SDK1: variants seen among roughly 807,000 people sequenced by gnomAD.
The protein encoded by SDK1 is sidekick cell adhesion molecule 1.
A neutral mutation model predicts 245.5 loss-of-function variants in SDK1; 157 were observed. The ratio of observed to expected loss-of-function variants is 0.64; its 90% CI spans 0.56 to 0.73. SDK1 has a LOEUF of 0.73. Among genes scored for constraint, SDK1 ranks in the 30% least tolerant of loss-of-function variants. The pLI is 0.00. For synonymous variants in SDK1, 1,647 were observed against 1,278.5 expected (o/e 1.29, Z -6.15); for missense variants, 3,583 against 3,002.3 (o/e 1.19, Z -4.52).
rs199907657 is a variant in SDK1, at chr7:4,210,172, G to C, written c.5539+10G>C. 1 of 1,538,712 alleles carries C rather than the reference G, an allele frequency of 6.5e-7. No homozygotes were observed. Among genetic ancestry groups the C allele is most frequent in the South Asian group, 1.3e-5 (1 of 79,122 alleles). ...TTGGCCCCTGTACAAGGTAAGACCC[G>C]GGGTTGGGGAGATGGGAGCGCGGGC... On this transcript the variant is annotated intron_variant, in intron 38 of 44. Transcript: ENST00000404826.
chr7:3,988,804 C>G (rs1249573431), intron 14 of SDK1, among the ~76,000 whole-genome samples: 1 of 152,204 alleles, frequency 6.6e-6, no homozygotes, highest in Non-Finnish European at 1.5e-5. Context: ...TGGAGTCTTG[C>G]TCTGTCGCCC....
chr7:3,502,568 A>G (rs911835347), intron 1 of SDK1, among the ~76,000 whole-genome samples: 3 of 152,200 alleles, frequency 2.0e-5, no homozygotes, highest in Non-Finnish European at 2.9e-5. Context: ...TATTTTTAAT[A>G]GCACCCCTAA....
Position 4,193,713 on chromosome 7 carries a change from C to T in SDK1, c.5099-12166C>T, listed in dbSNP as rs143964226. On this transcript the variant is annotated intron_variant, in intron 35 of 44. Transcript: ENST00000404826. Reference sequence around the variant, plus strand: ...CTGTTTTTCCACAATTTCAGCTCTTCCTCTACAGGAGTGAAGACTCTCACT... The same window carrying T: ...CTGTTTTTCCACAATTTCAGCTCTTTCTCTACAGGAGTGAAGACTCTCACT... 9.7e-3 allele frequency among the ~76,000 whole-genome samples: 1,472 copies of T among 152,178 alleles called. 25 individuals are homozygous for T. The highest frequency in any genetic ancestry group is 0.034 in the African/African-American group (1,392 of 41,512).
Position 3,391,913 on chromosome 7 carries a change from A to G in SDK1, c.298+90029A>G, listed in dbSNP as rs146568785. Among the ~76,000 whole-genome samples the G allele has an allele frequency of 3.0e-3, 461 of 151,562 alleles. 5 individuals are homozygous for G. The highest frequency in any genetic ancestry group is 3.8e-3 in the Non-Finnish European group (255 of 67,936). On this transcript the variant is annotated intron_variant, in intron 1 of 44. Transcript: ENST00000404826. ...CAAAGTGATGGGATCACAGGTGTCA[A>G]CCGCCATGTTTGGCCAACAACTGAA...
At chr7:3,312,582 A>T (rs756493759) in intron 1 of SDK1, among the ~76,000 whole-genome samples, 1 of 152,156 alleles carries the variant, frequency 6.6e-6, no homozygotes, top group South Asian at 2.1e-4. Context: ...TTTTTTTAAA[A>T]AAAATAACCT....
intron 5 of SDK1, among the ~76,000 whole-genome samples, chr7:3,867,916 A>G (rs1780861218): frequency 6.6e-6 from 1 of 152,204 alleles, no homozygotes; most frequent in Admixed American, 6.5e-5. Flanking sequence ...GAAGAAATAA[A>G]TATCATTTCT....
chr7:4,011,046 A>T lies in SDK1; in HGVS notation c.2212A>T (p.Thr738Ser). Residue 738 changes from threonine (T) to serine (S), a missense_variant, in exon 15 of 45, where the codon ACC becomes TCC. By Grantham distance (58) the Thr-to-Ser change is moderately conservative. Transcript: ENST00000404826. The part of the protein sequence containing the change: ...VTVSGLTPAR[T>S]YQFRVCAVNE... ...CGTGAGTGGCCTGACTCCGGCTCGTACCTATCAATTCCGGGTGTGCGCGGT... is the reference window on the plus strand; with the variant it reads ...CGTGAGTGGCCTGACTCCGGCTCGTTCCTATCAATTCCGGGTGTGCGCGGT... 6.2e-7 allele frequency: 1 copy of T among 1,614,202 alleles called. No homozygotes were observed. The highest frequency in any genetic ancestry group is 1.1e-5 in the South Asian group (1 of 91,074).
chr7:3,552,750 A>G (rs953635337), intron 1 of SDK1, among the ~76,000 whole-genome samples: 1 of 152,188 alleles, frequency 6.6e-6, no homozygotes, highest in African/African-American at 2.4e-5. Context: ...AGGGAAATGA[A>G]AGACTTTGAA....
intron 1 of SDK1, among the ~76,000 whole-genome samples, chr7:3,550,935 TATC>T (rs1779382989): frequency 6.6e-6 from 1 of 152,242 alleles, no homozygotes; most frequent in Non-Finnish European, 1.5e-5. Flanking sequence ...ACTTTCTTCT[TATC>T]ATTCTTGATT....
At chr7:3,435,132 G>A (rs909688542) in intron 1 of SDK1, among the ~76,000 whole-genome samples, 38 of 151,234 alleles carry the variant, frequency 2.5e-4, no homozygotes, top group African/African-American at 8.0e-4. Flanking sequence ...CTTAGTTATT[G>A]TGATTCTTAA....
At chr7:3,782,554 G>A (rs1361794757) in intron 4 of SDK1, among the ~76,000 whole-genome samples, 1 of 152,128 alleles carries the variant, frequency 6.6e-6, no homozygotes, top group Non-Finnish European at 1.5e-5. Context: ...CAAAAATTCC[G>A]AGAGCAGCAA....
At chr7:3,504,683 A>G (rs960432113) in intron 1 of SDK1, among the ~76,000 whole-genome samples, 4 of 152,114 alleles carry the variant, frequency 2.6e-5, no homozygotes, top group African/African-American at 4.8e-5. Flanking sequence ...AGCTAAAACT[A>G]TGAAACTCTC....
intron 1 of SDK1, among the ~76,000 whole-genome samples, chr7:3,314,876 A>C (rs1779628500): frequency 6.6e-6 from 1 of 151,726 alleles, no homozygotes; most frequent in Admixed American, 6.6e-5. Context: ...ATTTCATCAT[A>C]CATCCTATTG....
intron 1 of SDK1, among the ~76,000 whole-genome samples, chr7:3,503,576 C>T (rs537411707): frequency 1.3e-5 from 2 of 152,146 alleles, no homozygotes; most frequent in Admixed American, 6.5e-5. Flanking sequence ...ACTCAGTAGG[C>T]TGAGGTGGGA....
At chr7:3,974,275 G>A in intron 12 of SDK1, 94 bp from the exon 13 acceptor site, 2 of 1,014,086 alleles carry the variant, frequency 2.0e-6, no homozygotes, top group East Asian at 4.9e-5. Flanking sequence ...CCATTCACAA[G>A]ATTGTTAGTT....
chr7:4,089,274 A>G (rs1010164202), intron 22 of SDK1, among the ~76,000 whole-genome samples: 10 of 152,194 alleles, frequency 6.6e-5, no homozygotes, highest in African/African-American at 2.4e-4. Flanking sequence ...GTGCCTCCCA[A>G]TCCTGCCACA....
chr7:3,908,969 T>C (rs1021248586), intron 5 of SDK1, among the ~76,000 whole-genome samples: 2 of 151,966 alleles, frequency 1.3e-5, no homozygotes, highest in African/African-American at 2.4e-5. Context: ...CATCAGGAGA[T>C]GGAGGTGAGC....
At chr7:3,439,557 A>G (rs963619879) in intron 1 of SDK1, among the ~76,000 whole-genome samples, 2 of 152,208 alleles carry the variant, frequency 1.3e-5, no homozygotes, top group South Asian at 2.1e-4. Context: ...TGAATCTGTA[A>G]GGGAATGCCT....
intron 4 of SDK1, among the ~76,000 whole-genome samples, chr7:3,713,284 G>C (rs1279554930): frequency 2.0e-5 from 3 of 152,178 alleles, no homozygotes; most frequent in Admixed American, 2.0e-4. Context: ...GGGAGCTCAG[G>C]CTCTGTGTTG....
Sources: gnomAD v4.1 joint callset for allele counts (sites outside exome capture counted in the v4.1 genomes callset) on GRCh38, gnomAD v4.1.1 for gene constraint, MANE v1.5 for transcripts, NCBI Gene and HGNC (gene_info 2026-07-23, HGNC 2026-07-21) for gene names.